ANKRD17: variants seen among roughly 807,000 people sequenced by gnomAD.
The protein encoded by ANKRD17 is ankyrin repeat domain-containing protein 17.
In ANKRD17, 19 loss-of-function variants were observed where a neutral mutation model predicts 229.7. The ratio of observed to expected loss-of-function variants is 0.08; its 90% CI spans 0.06 to 0.12. The LOEUF (loss-of-function observed/expected upper bound fraction) is 0.12. Ranked by LOEUF, ANKRD17 falls within the 10% of genes least tolerant of loss-of-function variation. The pLI, the probability that ANKRD17 is intolerant of heterozygous loss-of-function variation, is 1.00. For missense variants in ANKRD17, 2,176 were observed against 3,176.8 expected, an observed-to-expected ratio of 0.68 and a Z score of 7.57; for synonymous variants, 1,112 against 1,146.1, an observed-to-expected ratio of 0.97 and a Z score of 0.60.
intron 1 of ANKRD17, among the ~76,000 whole-genome samples, chr4:73,188,130 G>A (rs894932684): frequency 6.6e-6 from 1 of 151,722 alleles, no homozygotes; most frequent in African/African-American, 2.4e-5. Context: ...GGTCCATAAA[G>A]TTGAAAGAAA....
chr4:73,085,867 T>C (rs1342564402), intron 29 of ANKRD17, among the ~76,000 whole-genome samples: 7 of 151,110 alleles, frequency 4.6e-5, no homozygotes, highest in Non-Finnish European at 4.4e-5. Flanking sequence ...GGTGCGTGTT[T>C]GTAGTTCCAG....
intron 11 of ANKRD17, 41 bp from the exon 12 acceptor site, chr4:73,142,808 G>T (rs760501197): frequency 6.4e-6 from 10 of 1,564,930 alleles, no homozygotes; most frequent in African/African-American, 1.4e-5. Flanking sequence ...TAGTAGAATG[G>T]TTTTTCTTAA....
chr4:73,155,379 A>G lies in ANKRD17; in HGVS notation c.1000+252T>C, dbSNP rs79654668. The stretch of plus-strand genomic sequence containing the variant: ...CTCTCAATTTCCAAGAGAGTGGTCC[A>G]TCTAACTGGGTCAGTGTTTTACTTT... On this transcript the variant is annotated intron_variant, in intron 5 of 33. Transcript: ENST00000358602. Among the ~76,000 whole-genome samples, 379 of 152,358 alleles carry G rather than the reference A, an allele frequency of 2.5e-3. 2 individuals are homozygous for G. Among genetic ancestry groups the G allele is most frequent in the South Asian group, 0.016 (77 of 4,828 alleles).
At chr4:73,083,960 A>C (rs1005279936) in intron 30 of ANKRD17, among the ~76,000 whole-genome samples, 2 of 151,934 alleles carry the variant, frequency 1.3e-5, no homozygotes, top group Non-Finnish European at 1.5e-5. Flanking sequence ...AAAAAAAAAA[A>C]CCGAAGTCTT....
chr4:73,118,987 T>C (rs1726357909), intron 21 of ANKRD17, 137 bp from the exon 22 acceptor site: 1 of 856,482 alleles, frequency 1.2e-6, no homozygotes, highest in Non-Finnish European at 1.7e-6. Context: ...CCAGGGGTCA[T>C]ATGATTCTCC....
At chr4:73,146,684 A>G in intron 10 of ANKRD17, 80 bp downstream of exon 10, 1 of 1,002,374 alleles carries the variant, frequency 1.0e-6, no homozygotes, top group Non-Finnish European at 1.4e-6. Context: ...GTAAAGAAAT[A>G]CCTTTTGTCT....
At chr4:73,216,057 C>T (rs958229041) in intron 1 of ANKRD17, among the ~76,000 whole-genome samples, 4 of 151,806 alleles carry the variant, frequency 2.6e-5, no homozygotes, top group African/African-American at 7.3e-5. Flanking sequence ...GCCTGGGCAA[C>T]GTAATGAGAC....
intron 1 of ANKRD17, among the ~76,000 whole-genome samples, chr4:73,184,603 C>T (rs927548839): frequency 6.6e-6 from 1 of 150,438 alleles, no homozygotes; most frequent in Non-Finnish European, 1.5e-5. Flanking sequence ...CATACAAACT[C>T]CAACTTAACA....
At chr4:73,151,929 T>C (rs969219365) in intron 6 of ANKRD17, among the ~76,000 whole-genome samples, 2 of 152,170 alleles carry the variant, frequency 1.3e-5, no homozygotes, top group Admixed American at 6.6e-5. Context: ...AAAATGTATT[T>C]AAAGTTCCAA....
At position 73,078,880 on chromosome 4, in the gene ANKRD17, T is replaced by C. The variant is rs138745659; in HGVS notation, c.7170A>G (p.Ala2390=). ...CACGAACTCCCGAGGATACTGACTG[T>C]GCAGAAGAATCTAGAGAAGAGATAT... ...PCSSASNDSS[A]QSVSSGVRAP... The change falls in exon 31 of 34, where the codon GCA becomes GCG. Residue 2390 remains alanine (A), a synonymous_variant. Coordinates refer to ENST00000358602, the MANE Select transcript of ANKRD17 (RefSeq NM_032217.5). 4.3e-4 allele frequency: 686 copies of C among 1,613,404 alleles called. No individual in the cohort carries two copies. The highest frequency in any genetic ancestry group is 2.3e-3 in the Middle Eastern group (14 of 6,052).
chr4:73,170,645 G>C (rs1001678794), intron 2 of ANKRD17, among the ~76,000 whole-genome samples: 4 of 151,432 alleles, frequency 2.6e-5, no homozygotes, highest in African/African-American at 9.7e-5. Context: ...GGGGCCCACT[G>C]TTCTGAAGGG....
chr4:73,199,350 C>T (rs1322101985), intron 1 of ANKRD17, among the ~76,000 whole-genome samples: 3 of 151,824 alleles, frequency 2.0e-5, no homozygotes, highest in African/African-American at 7.3e-5. Context: ...AGGCGAGATG[C>T]CAAGCACCTT....
chr4:73,245,507 G>T (rs900873783), intron 1 of ANKRD17, among the ~76,000 whole-genome samples: 1 of 152,216 alleles, frequency 6.6e-6, no homozygotes, highest in South Asian at 2.1e-4. Flanking sequence ...ACTGCCTATG[G>T]AGAACAGCTT....
chr4:73,082,774 T>C (rs2110107468), intron 30 of ANKRD17, among the ~76,000 whole-genome samples: 1 of 152,278 alleles, frequency 6.6e-6, no homozygotes, highest in African/African-American at 2.4e-5. Context: ...CTAGATTATT[T>C]GAGACTAAAG....
At chr4:73,174,737 A>C (rs555961405) in intron 2 of ANKRD17, among the ~76,000 whole-genome samples, 2 of 152,340 alleles carry the variant, frequency 1.3e-5, no homozygotes, top group Admixed American at 1.3e-4. Flanking sequence ...GCAGGAAACA[A>C]ATCAACATAC....
At chr4:73,136,985 T>G (rs1013668486) in intron 15 of ANKRD17, among the ~76,000 whole-genome samples, 2 of 140,532 alleles carry the variant, frequency 1.4e-5, no homozygotes, top group South Asian at 2.2e-4. Flanking sequence ...ACAGAGTTTT[T>G]TTTTTTTTTT....
At chr4:73,131,623 A>G (rs539601617) in intron 16 of ANKRD17, among the ~76,000 whole-genome samples, 1 of 152,342 alleles carries the variant, frequency 6.6e-6, no homozygotes, top group East Asian at 1.9e-4. Flanking sequence ...AAAACAATGT[A>G]ACATAGTGCA....
At chr4:73,086,952 A>ATATATC (rs1457638208) in intron 29 of ANKRD17, among the ~76,000 whole-genome samples, 1 of 96,780 alleles carries the variant, frequency 1.0e-5, no homozygotes, top group Admixed American at 1.2e-4. Context: ...ATATATATAT[A>ATATATC]TCTGTAGGAT....
At chr4:73,213,455 C>G (rs1740592163) in intron 1 of ANKRD17, among the ~76,000 whole-genome samples, 1 of 152,158 alleles carries the variant, frequency 6.6e-6, no homozygotes, top group Non-Finnish European at 1.5e-5. Context: ...AAGCTCAGGA[C>G]AGCAAAGAAT....
Sources: gnomAD v4.1 joint callset for allele counts (sites outside exome capture counted in the v4.1 genomes callset) on GRCh38, gnomAD v4.1.1 for gene constraint, MANE v1.5 for transcripts, NCBI Gene and HGNC (gene_info 2026-07-23, HGNC 2026-07-21) for gene names.